Variants in SCFD1 observed in about 807,000 individuals in gnomAD.
SCFD1 encodes the protein sec1 family domain-containing protein 1.
SCFD1 carries 37 observed loss-of-function variants against 103.2 expected under a neutral mutation model. The observed-to-expected ratio is 0.36, with a 90% CI of 0.28 to 0.47. The LOEUF is 0.47. Ranked by LOEUF, SCFD1 falls within the 20% of genes least tolerant of loss-of-function variation. The probability of loss-of-function intolerance (pLI) is 1.00; values close to 1 mark genes in which losing one functional copy is unlikely to be tolerated. For missense variants in SCFD1, 639 were observed against 761.2 expected (o/e 0.84, Z 1.89); for synonymous variants, 264 against 245.0 (o/e 1.08, Z -0.73).
At chr14:30,731,439 G>A (rs949199768) in intron 23 of SCFD1, among the ~76,000 whole-genome samples, 3 of 152,112 alleles carry the variant, frequency 2.0e-5, no homozygotes, top group Admixed American at 6.5e-5. Flanking sequence ...AATTACCTTG[G>A]GCAGTATGGC....
intron 13 of SCFD1, among the ~76,000 whole-genome samples, chr14:30,674,525 G>A (rs1457487004): frequency 1.6e-4 from 25 of 152,124 alleles, no homozygotes; most frequent in Admixed American, 1.6e-3. Flanking sequence ...GTGCACGCCT[G>A]TAGTCCCAGC....
At chr14:30,735,099 C>G in intron 24 of SCFD1, 1 of 404,666 alleles carries the variant, frequency 2.5e-6, no homozygotes, top group East Asian at 4.0e-5. Context: ...TTTTAATGAT[C>G]CTTTAGAAAT....
intron 19 of SCFD1, among the ~76,000 whole-genome samples, chr14:30,713,992 G>A (rs987339536): frequency 1.3e-5 from 2 of 152,142 alleles, no homozygotes; most frequent in Non-Finnish European, 2.9e-5. Flanking sequence ...ACTCTTTAGA[G>A]AAACTGGTTT....
chr14:30,667,728 G>T (rs542486168), intron 10 of SCFD1, among the ~76,000 whole-genome samples: 1 of 152,282 alleles, frequency 6.6e-6, no homozygotes, highest in East Asian at 1.9e-4. Context: ...CAAAATCAAT[G>T]TGCAAAAATC....
At chr14:30,627,967 G>A (rs750063587) in intron 1 of SCFD1, among the ~76,000 whole-genome samples, 9 of 151,636 alleles carry the variant, frequency 5.9e-5, no homozygotes, top group East Asian at 1.9e-4. Context: ...AACATTTCCC[G>A]CGATTTCATC....
intron 3 of SCFD1, chr14:30,630,935 TC>T (rs1884047403): frequency 5.5e-6 from 1 of 181,192 alleles, no homozygotes; most frequent in Admixed American, 5.9e-5. Context: ...ATTTTGTAAG[TC>T]AAAAAAATGC....
At chr14:30,694,748 T>C in intron 14 of SCFD1, 25 bp from the exon 15 acceptor site, 1 of 1,563,432 alleles carries the variant, frequency 6.4e-7, no homozygotes, top group Non-Finnish European at 8.6e-7. Flanking sequence ...TAATATATTC[T>C]CATCTAATGT....
Position 30,658,795 on chromosome 14 carries a change from T to C in SCFD1, c.855+5207T>C, listed in dbSNP as rs539660193. On this transcript the variant is annotated intron_variant, in intron 10 of 24. Transcript: ENST00000458591. ...TTGCAATGTAACAGGTGCCTAGATA[T>C]AGTTCAAGATTGATGCTTTGGGTCC... Among the ~76,000 whole-genome samples, 287 of 152,214 alleles carry C rather than the reference T, an allele frequency of 1.9e-3. 1 individual carries two copies. The highest frequency in any genetic ancestry group is 3.6e-3 in the Non-Finnish European group (246 of 68,042).
intron 19 of SCFD1, among the ~76,000 whole-genome samples, chr14:30,713,830 T>G (rs1006819243): frequency 5.3e-5 from 8 of 152,216 alleles, no homozygotes; most frequent in Admixed American, 3.3e-4. Context: ...GTTCTTTTGT[T>G]CCAGAATTTT....
intron 1 of SCFD1, 176 bp downstream of exon 1, chr14:30,622,575 T>G: frequency 8.8e-7 from 1 of 1,142,330 alleles, no homozygotes; most frequent in Non-Finnish European, 1.2e-6. Context: ...GAGGACTCGG[T>G]TCCTCCTGTG....
intron 5 of SCFD1, 106 bp downstream of exon 5, chr14:30,638,353 C>A: frequency 1.3e-6 from 2 of 1,501,054 alleles, no homozygotes; most frequent in Non-Finnish European, 1.8e-6. Context: ...ACCAGAACAA[C>A]AGAATTGTTT....
Position 30,630,463 on chromosome 14 carries a change from GT to G in SCFD1, c.133-6del, listed in dbSNP as rs1378748301. On this transcript the variant is annotated splice_polypyrimidine_tract_variant and intron_variant, in intron 2 of 24. Coordinates refer to ENST00000458591, the MANE Select transcript of SCFD1 (RefSeq NM_016106.4). ...TGTTCACTGATAATGATGACACATG[GT>G]TTTTTTTAATAGGTACTCATTTATG... The G allele has an allele frequency of 8.1e-6, 12 of 1,481,502 alleles. No individual in the cohort carries two copies. The highest frequency in any genetic ancestry group is 1.4e-5 in the African/African-American group (1 of 71,518). 91.8% of individuals were successfully genotyped at this position (1,481,502 alleles called of 1,614,324 possible).
In SCFD1 at chr14:30,697,735, T is replaced by G. The variant is rs141139460; in HGVS notation, c.1340-2453T>G. ...CCTAAATCTAATCATGAGGAAATAT[T>G]AGACAAAACTTAATTGTGTGATATT... On this transcript the variant is annotated intron_variant, in intron 15 of 24. Coordinates refer to ENST00000458591, the MANE Select transcript of SCFD1 (RefSeq NM_016106.4). 1.5e-3 allele frequency among the ~76,000 whole-genome samples: 227 copies of G among 152,268 alleles called. 1 individual carries two copies. Among genetic ancestry groups the G allele is most frequent in the African/African-American group, 4.7e-3 (196 of 41,544 alleles).
chr14:30,683,153 A>G (rs1388290871), intron 14 of SCFD1: 3 of 1,115,198 alleles, frequency 2.7e-6, no homozygotes, highest in Non-Finnish European at 4.0e-6. Flanking sequence ...AGGGGCTATC[A>G]ATGTTGGGTT....
intron 14 of SCFD1, 88 bp from the exon 15 acceptor site, chr14:30,694,685 C>G: frequency 7.0e-7 from 1 of 1,432,548 alleles, no homozygotes; most frequent in African/African-American, 1.5e-5. Flanking sequence ...TAAAATTGAT[C>G]ATAGAAAATA....
chr14:30,667,613 A>T (rs1888117879), intron 10 of SCFD1, among the ~76,000 whole-genome samples: 1 of 152,154 alleles, frequency 6.6e-6, no homozygotes, highest in Non-Finnish European at 1.5e-5. Flanking sequence ...AGGAAGTCAA[A>T]TTGTCCCTGT....
chr14:30,646,234 G>T (rs1281484812), intron 7 of SCFD1, among the ~76,000 whole-genome samples: 3 of 151,310 alleles, frequency 2.0e-5, no homozygotes, highest in Non-Finnish European at 4.4e-5. Flanking sequence ...TGTTGGTCAG[G>T]ATGGTCTCAA....
At chr14:30,629,323 A>G (rs1455197553) in intron 2 of SCFD1, among the ~76,000 whole-genome samples, 3 of 152,206 alleles carry the variant, frequency 2.0e-5, no homozygotes, top group Non-Finnish European at 4.4e-5. Flanking sequence ...CATTTAAGAA[A>G]ATGTGTTTTC....
At chr14:30,684,720 CACTT>C (rs1594696985) in intron 14 of SCFD1, among the ~76,000 whole-genome samples, 1 of 129,638 alleles carries the variant, frequency 7.7e-6, no homozygotes, top group Non-Finnish European at 1.6e-5. Flanking sequence ...CCCTTTTACT[CACTT>C]ATTCTTTTTT....
Sources: gnomAD v4.1 joint callset for allele counts (sites outside exome capture counted in the v4.1 genomes callset) on GRCh38, gnomAD v4.1.1 for gene constraint, MANE v1.5 for transcripts, NCBI Gene and HGNC (gene_info 2026-07-23, HGNC 2026-07-21) for gene names.